RBMS3: variants seen among roughly 807,000 people sequenced by gnomAD.
RBMS3 encodes RNA-binding motif, single-stranded-interacting protein 3.
RBMS3 carries 27 observed loss-of-function variants against 66.8 expected under a neutral mutation model. The observed-to-expected ratio is 0.40, with a 90% CI of 0.30 to 0.56. The LOEUF is 0.56. RBMS3 is among the 20% of genes least tolerant of loss of function. The pLI is 0.40. For synonymous variants in RBMS3, 188 were observed against 183.0 expected (o/e 1.03, Z -0.22); for missense variants, 513 against 549.5 (o/e 0.93, Z 0.66).
intron 1 of RBMS3, among the ~76,000 whole-genome samples, chr3:29,336,566 A>T (rs1399609072): frequency 1.3e-5 from 2 of 152,194 alleles, no homozygotes; most frequent in East Asian, 3.8e-4. Flanking sequence ...TTTATAGGAA[A>T]GCTGGGCCCC....
At chr3:29,709,332 C>T (rs775095701) in intron 4 of RBMS3, among the ~76,000 whole-genome samples, 5 of 152,144 alleles carry the variant, frequency 3.3e-5, no homozygotes, top group South Asian at 2.1e-4. Context: ...AGCAACTTCA[C>T]GGCTGACATT....
chr3:29,837,661 AACATAT>A (rs2058550833), intron 6 of RBMS3, among the ~76,000 whole-genome samples: 1 of 73,286 alleles, frequency 1.4e-5, no homozygotes, highest in African/African-American at 5.6e-5. Context: ...ATATATAATG[AACATAT>A]ATATATATAT....
intron 4 of RBMS3, among the ~76,000 whole-genome samples, chr3:29,598,405 T>A (rs1289805512): frequency 6.6e-6 from 1 of 152,104 alleles, no homozygotes; most frequent in Non-Finnish European, 1.5e-5. Flanking sequence ...AGACCAAGGT[T>A]AATAGGCAAC....
intron 8 of RBMS3, among the ~76,000 whole-genome samples, chr3:29,896,158 T>C (rs1316335233): frequency 6.6e-6 from 1 of 151,506 alleles, no homozygotes; most frequent in Non-Finnish European, 1.5e-5. Flanking sequence ...ACTATATTTT[T>C]GCTTGAAGAC....
chr3:29,385,001 G>T (rs1395685221), intron 1 of RBMS3, among the ~76,000 whole-genome samples: 1 of 151,952 alleles, frequency 6.6e-6, no homozygotes, highest in African/African-American at 2.4e-5. Flanking sequence ...ATGTGTTGCC[G>T]AACAAACCTC....
chr3:29,524,415 A>ATTTTT lies in RBMS3; in HGVS notation c.307+35941_307+35945dup, dbSNP rs1222102515. On this transcript the variant is annotated intron_variant, in intron 3 of 14. Transcript: ENST00000383767. ...GGAAGATATGAGTGACTCCCTTTAC[A>ATTTTT]TTTTTTTTTTTTTTTTTTTTTTTTT... 8.1e-4 allele frequency among the ~76,000 whole-genome samples: 46 copies of ATTTTT among 57,108 alleles called. 4 individuals carry two copies. Among genetic ancestry groups the ATTTTT allele is most frequent in the East Asian group, 2.5e-3 (4 of 1,586 alleles). The allele number at this position is 57,108 out of a possible 152,430, so 37.5% of individuals were successfully genotyped here. A position where few individuals can be genotyped will look rare whatever the true frequency, so the allele number is the denominator to read the frequency against.
intron 4 of RBMS3, among the ~76,000 whole-genome samples, chr3:29,678,192 C>A (rs1220029635): frequency 6.6e-6 from 1 of 152,008 alleles, no homozygotes; most frequent in Non-Finnish European, 1.5e-5. Flanking sequence ...TTCATTGAAA[C>A]CTTGGTTGAT....
intron 1 of RBMS3, among the ~76,000 whole-genome samples, chr3:29,311,802 A>C (rs893070260): frequency 2.0e-5 from 3 of 151,608 alleles, no homozygotes; most frequent in Admixed American, 6.6e-5. Context: ...GTGAAGGAAT[A>C]AGGGTATGAA....
At chr3:29,494,027 A>G (rs1240041769) in intron 3 of RBMS3, among the ~76,000 whole-genome samples, 1 of 152,200 alleles carries the variant, frequency 6.6e-6, no homozygotes, top group African/African-American at 2.4e-5. Flanking sequence ...AAATCTAAAC[A>G]TTATGAACTG....
chr3:29,774,410 A>C (rs1049190968), intron 6 of RBMS3, among the ~76,000 whole-genome samples: 1 of 152,094 alleles, frequency 6.6e-6, no homozygotes, highest in Non-Finnish European at 1.5e-5. Flanking sequence ...AATATGTCTT[A>C]ATAAAGGTCC....
chr3:29,618,556 C>T (rs897010608), intron 4 of RBMS3, among the ~76,000 whole-genome samples: 3 of 151,928 alleles, frequency 2.0e-5, no homozygotes, highest in African/African-American at 7.3e-5. Context: ...CATTTCTCCT[C>T]CTTGTCATTT....
At chr3:29,727,015 G>T (rs978381376) in intron 4 of RBMS3, among the ~76,000 whole-genome samples, 4 of 152,206 alleles carry the variant, frequency 2.6e-5, no homozygotes, top group African/African-American at 4.8e-5. Flanking sequence ...TACCAAAACA[G>T]ATATATAGAC....
intron 4 of RBMS3, among the ~76,000 whole-genome samples, chr3:29,588,267 A>G (rs2047603458): frequency 6.6e-6 from 1 of 152,060 alleles, no homozygotes; most frequent in East Asian, 1.9e-4. Flanking sequence ...GAACTTATTT[A>G]TCTCTAGATT....
At chr3:29,921,096 C>G (rs1261461488) in intron 10 of RBMS3, among the ~76,000 whole-genome samples, 1 of 152,070 alleles carries the variant, frequency 6.6e-6, no homozygotes, top group Non-Finnish European at 1.5e-5. Context: ...GAGTTTCACT[C>G]TTGTTGCTCA....
chr3:29,549,414 T>G (rs2046103567), intron 3 of RBMS3, among the ~76,000 whole-genome samples: 1 of 150,680 alleles, frequency 6.6e-6, no homozygotes, highest in Non-Finnish European at 1.5e-5. Context: ...TTTTTTTTTT[T>G]TCTGAGACGG....
intron 4 of RBMS3, among the ~76,000 whole-genome samples, chr3:29,639,370 G>A (rs1576416277): frequency 6.6e-6 from 1 of 151,632 alleles, no homozygotes; most frequent in Non-Finnish European, 1.5e-5. Context: ...ATATCCAAGG[G>A]GAAATTTTTG....
At chr3:29,942,937 G>T (rs184621343) in intron 11 of RBMS3, among the ~76,000 whole-genome samples, 1 of 151,082 alleles carries the variant, frequency 6.6e-6, no homozygotes, top group East Asian at 2.0e-4. Context: ...CTAGATTTGG[G>T]GATTATAATC....
intron 12 of RBMS3, among the ~76,000 whole-genome samples, chr3:29,948,144 T>G (rs1265321413): frequency 6.6e-6 from 1 of 151,748 alleles, no homozygotes. Context: ...ACAGAAAAAG[T>G]TTGCATAAAT....
chr3:29,899,839 C>A, intron 10 of RBMS3, 84 bp downstream of exon 10: 1 of 1,370,308 alleles, frequency 7.3e-7, no homozygotes, highest in Non-Finnish European at 1.0e-6. Context: ...TGGGGTAAAG[C>A]TTTTGTTATA....
Sources: allele counts gnomAD v4.1 joint callset (sites outside exome capture counted in the v4.1 genomes callset), GRCh38; gene constraint gnomAD v4.1.1; transcripts MANE v1.5; gene names NCBI Gene and HGNC (gene_info 2026-07-23, HGNC 2026-07-21).